POLR2F: variants seen among roughly 807,000 people sequenced by gnomAD.
The protein encoded by POLR2F is RNA polymerase II, I and III subunit F.
A neutral mutation model predicts 22.7 loss-of-function variants in POLR2F; 12 were observed. The ratio of observed to expected loss-of-function variants is 0.53; its 90% confidence interval spans 0.34 to 0.86. The LOEUF is 0.86. POLR2F is among the 40% of genes least tolerant of loss of function. POLR2F has a pLI of 0.02. For missense variants in POLR2F, 126 were observed against 171.5 expected (o/e 0.73, Z 1.48); for synonymous variants, 57 against 66.0 (o/e 0.86, Z 0.66).
chr22:37,953,718 T>C lies in POLR2F; in HGVS notation c.-70T>C, dbSNP rs1931223498. 6.4e-7 allele frequency: 1 copy of C among 1,560,798 alleles called. No individual in the cohort carries two copies. The highest frequency in any genetic ancestry group is 1.3e-5 in the African/African-American group (1 of 74,344). On this transcript the variant is annotated 5_prime_UTR_variant, in exon 1 of 5. Transcript: ENST00000442738. ...CAAGATAAGCTAGGAGCCGCGCGAG[T>C]CGTAGTGTCGCTGTTTGCGGGTCTC...
chr22:37,996,588 C>A (rs2084716270), intron 1 of POLR2F, among the ~76,000 whole-genome samples: 1 of 152,240 alleles, frequency 6.6e-6, no homozygotes, highest in South Asian at 2.1e-4. Flanking sequence ...CCCACTTACA[C>A]CCTTCCTGTG....
intron 1 of POLR2F, among the ~76,000 whole-genome samples, chr22:37,994,636 A>G (rs1033529500): frequency 6.6e-6 from 1 of 152,126 alleles, no homozygotes; most frequent in African/African-American, 2.4e-5. Context: ...CTCCTGTCTC[A>G]GCCTCCTGAG....
At position 37,980,948 on chromosome 22, in the gene POLR2F, G is replaced by A. The variant is rs916315695; in HGVS notation, c.293+13778G>A. ...ACAGGAGGGACTCTTGCCTGTGTCC[G>A]CCTTTCCAGTTTCTTGGCTCTGGTT... On this transcript the variant is annotated intron_variant, in intron 4 of 4. Coordinates refer to the POLR2F transcript ENST00000405557. This position sits in a 1 kb window ranked among gnomAD's most constrained non-coding sequence, Gnocchi z 4.1. Among the ~76,000 whole-genome samples the A allele has an allele frequency of 3.9e-5, 6 of 152,176 alleles. No individual in the cohort carries two copies. Among genetic ancestry groups the A allele is most frequent in the Non-Finnish European group, 5.9e-5 (4 of 68,038 alleles).
chr22:37,977,556 G>A (rs1028984147), intron 4 of POLR2F, among the ~76,000 whole-genome samples: 7 of 151,948 alleles, frequency 4.6e-5, no homozygotes, highest in Non-Finnish European at 2.9e-5. Flanking sequence ...TCCTGACCTC[G>A]TGATCTGCCC....
At position 37,968,406 on chromosome 22, in the gene POLR2F, A is replaced by G; in HGVS notation, c.*691A>G. 4.1e-6 allele frequency: 4 copies of G among 985,770 alleles called. No individual in the cohort carries two copies. The highest frequency in any genetic ancestry group is 4.8e-6 in the Non-Finnish European group (4 of 830,128). The allele number at this position is 985,770 out of a possible 1,614,324, so 61.1% of individuals were successfully genotyped here. A position where few individuals can be genotyped will look rare whatever the true frequency, so the allele number is the denominator to read the frequency against. ...GTGGCCCACCTCTTTGGTGTGCCAC[A>G]CCCATGCCTTCTTCCTAGCCTCTAT... On this transcript the variant is annotated 3_prime_UTR_variant, in exon 5 of 5. Transcript: ENST00000442738.
At chr22:38,020,408 G>T (rs2145819807) in intron 1 of POLR2F, among the ~76,000 whole-genome samples, 1 of 151,188 alleles carries the variant, frequency 6.6e-6, no homozygotes, top group East Asian at 1.9e-4. Flanking sequence ...GGGATTACAG[G>T]TGTGCACCAC....
chr22:38,003,341 C>T (rs955154193), intron 1 of POLR2F, among the ~76,000 whole-genome samples: 2 of 152,110 alleles, frequency 1.3e-5, no homozygotes, highest in African/African-American at 2.4e-5. Flanking sequence ...ATTCTCCCGC[C>T]TCAGCCTCCT....
chr22:38,021,502 G>GC (rs2084959834), intron 1 of POLR2F, among the ~76,000 whole-genome samples: 2 of 152,188 alleles, frequency 1.3e-5, no homozygotes, highest in Non-Finnish European at 2.9e-5. Flanking sequence ...TTGAGCCCAG[G>GC]TTGGAGTACA....
At chr22:38,019,466 G>A (rs1432317750) in intron 1 of POLR2F, among the ~76,000 whole-genome samples, 1 of 152,174 alleles carries the variant, frequency 6.6e-6, no homozygotes, top group African/African-American at 2.4e-5. Context: ...GTTGGGGAGT[G>A]AACCCCTCAG....
rs748877178 is a variant in POLR2F, at chr22:37,959,335, T to G, written c.91-11T>G. ...CCTGAGTCTTTCCCTCTTTTTTGTC[T>G]TGGTGTCCAGGAAGGCCAGGAGAAT... On this transcript the variant is annotated splice_polypyrimidine_tract_variant and intron_variant, in intron 2 of 4. Coordinates refer to ENST00000442738, the MANE Select transcript of POLR2F (RefSeq NM_021974.5). 4.0e-5 allele frequency: 65 copies of G among 1,612,690 alleles called. No homozygotes were observed. The South Asian group carries it at 6.9e-4, about 17-fold the overall frequency.
intron 4 of POLR2F, 103 bp downstream of exon 4, chr22:37,967,273 A>C (rs1234139119): frequency 6.4e-7 from 1 of 1,574,344 alleles, no homozygotes; most frequent in Non-Finnish European, 8.6e-7. Context: ...GGAGAAGTTG[A>C]TGCTTATTCC....
At chr22:38,004,885 G>A (rs927602279) in intron 1 of POLR2F, among the ~76,000 whole-genome samples, 19 of 152,122 alleles carry the variant, frequency 1.2e-4, no homozygotes, top group African/African-American at 4.1e-4. Flanking sequence ...TAGAGGTTGC[G>A]GTGAGCTGAA....
chr22:38,020,731 G>A (rs544666194), intron 1 of POLR2F, among the ~76,000 whole-genome samples: 4 of 151,554 alleles, frequency 2.6e-5, no homozygotes, highest in Admixed American at 6.6e-5. Flanking sequence ...AATAGAGTGA[G>A]ACTGTCTAAA....
Position 37,968,767 on chromosome 22 carries a change from G to A in POLR2F, c.*1052G>A. ...GCTCCCCTTCAAAGAGGAGGAGCTG[G>A]GCTTCCCTAACCTCTGCAGGAGGCA... On this transcript the variant is annotated 3_prime_UTR_variant, in exon 5 of 5. Coordinates refer to ENST00000442738, the MANE Select transcript of POLR2F (RefSeq NM_021974.5). The A allele has an allele frequency of 1.0e-6, 1 of 985,452 alleles. No homozygotes were observed. Among genetic ancestry groups the A allele is most frequent in the Non-Finnish European group, 1.2e-6 (1 of 829,932 alleles). The allele number at this position is 985,452 out of a possible 1,614,324, so 61.0% of individuals were successfully genotyped here.
At chr22:37,965,544 A>C (rs1439572530) in intron 3 of POLR2F, among the ~76,000 whole-genome samples, 2 of 152,240 alleles carry the variant, frequency 1.3e-5, no homozygotes, top group African/African-American at 4.8e-5. Context: ...TTTGAAAGAA[A>C]GCAGGCACAT....
intron 1 of POLR2F, among the ~76,000 whole-genome samples, chr22:37,995,557 A>G (rs1170917299): frequency 6.6e-6 from 1 of 152,146 alleles, no homozygotes; most frequent in East Asian, 1.9e-4. Flanking sequence ...TTGGCGGATT[A>G]GTTGTTCATT....
Position 37,968,334 on chromosome 22 carries a change from G to A in POLR2F, c.*619G>A. On this transcript the variant is annotated 3_prime_UTR_variant, in exon 5 of 5. Transcript: ENST00000442738. The stretch of plus-strand genomic sequence containing the variant: ...GCACCTGCCTACCCCTGCCCCCATG[G>A]CTCTGTCCCCACTCCTCCTCAGGAC... 1.0e-6 allele frequency: 1 copy of A among 985,920 alleles called. No individual in the cohort carries two copies. The highest frequency in any genetic ancestry group is 4.7e-5 in the South Asian group (1 of 21,296). The allele number at this position is 985,920 out of a possible 1,614,324, so 61.1% of individuals were successfully genotyped here.
rs1276018048 is a variant in POLR2F, at chr22:37,980,526, C to A, written c.293+13356C>A. ...CCTGGGGCCACTGCCATCCCCGACC[C>A]CAGCTCCCTCCTCCACCAGCTGTGC... On this transcript the variant is annotated intron_variant, in intron 4 of 4. Coordinates refer to the POLR2F transcript ENST00000405557. The surrounding 1 kb of genome is among the most constrained non-coding windows in gnomAD (Gnocchi z 4.1). Among the ~76,000 whole-genome samples, 3 of 152,160 alleles carry A rather than the reference C, an allele frequency of 2.0e-5. No individual in the cohort carries two copies. Among genetic ancestry groups the A allele is most frequent in the Non-Finnish European group, 2.9e-5 (2 of 68,038 alleles).
chr22:38,025,470 A>G (rs1424981869), intron 1 of POLR2F: 1 of 1,389,372 alleles, frequency 7.2e-7, no homozygotes, highest in Non-Finnish European at 9.4e-7. Context: ...GTACTCAAAG[A>G]TACGATCACA....
Sources: gnomAD v4.1 joint callset for allele counts (sites outside exome capture counted in the v4.1 genomes callset) on GRCh38, gnomAD v4.1.1 for gene constraint, Gnocchi (gnomAD v3.1) non-coding constraint, MANE v1.5 for transcripts, NCBI Gene and HGNC (gene_info 2026-07-23, HGNC 2026-07-21) for gene names.